The following VCPIP1 variants were observed in gnomAD, a reference collection of about 807,000 sequenced individuals.
VCPIP1 encodes the protein deubiquitinating protein VCPIP1.
Under a neutral mutation model 85.0 loss-of-function variants are expected in VCPIP1, and 8 were observed. The observed-to-expected ratio is 0.09, with a 90% CI of 0.06 to 0.17. VCPIP1 has a LOEUF of 0.17. Ranked by LOEUF, VCPIP1 falls within the 10% of genes least tolerant of loss-of-function variation. VCPIP1 has a pLI of 1.00. For synonymous variants in VCPIP1, 543 were observed against 544.5 expected (o/e 1.00, Z 0.04); for missense variants, 1,070 against 1,486.3 (o/e 0.72, Z 4.61).
Position 66,664,652 on chromosome 8 carries a change from C to T in VCPIP1, c.2307G>A (p.Pro769=), listed in dbSNP as rs1262034797. The part of the protein sequence containing the change: ...PATPTKAPYS[P]TTSKEKKIRI... ...GGATCTTCTTCTCCTTAGAAGTTGTCGGTGAATAGGGAGCCTTGGTAGGTG... is the reference window on the plus strand; with the variant it reads ...GGATCTTCTTCTCCTTAGAAGTTGTTGGTGAATAGGGAGCCTTGGTAGGTG... Residue 769 remains proline, a synonymous_variant, in exon 1 of 3, where the codon CCG becomes CCA. Transcript: ENST00000310421. 3 of 1,613,174 alleles carry T rather than the reference C, an allele frequency of 1.9e-6. No individual in the cohort carries two copies. The highest frequency in any genetic ancestry group is 1.3e-5 in the African/African-American group (1 of 74,840).
At chr8:66,645,114 T>G (rs1280856061) in intron 2 of VCPIP1, among the ~76,000 whole-genome samples, 1 of 118,856 alleles carries the variant, frequency 8.4e-6, no homozygotes, top group African/African-American at 3.3e-5. Flanking sequence ...AGACCCTGTA[T>G]CCAAGAAAAA....
intron 1 of VCPIP1, among the ~76,000 whole-genome samples, chr8:66,658,324 G>T (rs1402233950): frequency 6.9e-6 from 1 of 145,248 alleles, no homozygotes; most frequent in Non-Finnish European, 1.5e-5. Context: ...ACAGAGCAAG[G>T]CTCCATCTTG....
At position 66,666,762 on chromosome 8, in the gene VCPIP1, A is replaced by T; in HGVS notation, c.197T>A (p.Val66Asp). 1.2e-6 allele frequency: 2 copies of T among 1,613,740 alleles called. No homozygotes were observed. Among genetic ancestry groups the T allele is most frequent in the Non-Finnish European group, 1.7e-6 (2 of 1,179,698 alleles). The change falls in exon 1 of 3, where the codon GTC becomes GAC. Residue 66 changes from valine (V) to aspartate (D), a missense_variant. Coordinates refer to ENST00000310421, the MANE Select transcript of VCPIP1 (RefSeq NM_025054.5). The surrounding 1 kb of genome is among the most constrained non-coding windows in gnomAD (Gnocchi z 6.3). ...ARLFFPASGS[V>D]SIECTECGQR... ...GCCGCACTCGGTACACTCGATGCTG[A>T]CAGAACCGGAGGCCGGGAAAAATAG... is the stretch of plus-strand genomic sequence containing the variant.
chr8:66,663,916 G>A (rs1330889873), intron 1 of VCPIP1, among the ~76,000 whole-genome samples: 2 of 152,050 alleles, frequency 1.3e-5, no homozygotes, highest in Non-Finnish European at 2.9e-5. Context: ...AAGGGGCAAG[G>A]TAGGCAGGAT....
chr8:66,662,074 T>C (rs902564537), intron 1 of VCPIP1, among the ~76,000 whole-genome samples: 1 of 152,228 alleles, frequency 6.6e-6, no homozygotes, highest in Middle Eastern at 3.4e-3. Context: ...GCTCTGATCA[T>C]ATTTTTAAGA....
rs747312518 is a variant in VCPIP1, at chr8:66,634,708, C to T, written c.3462G>A (p.Gln1154=). ...VSSSAKSGSL[Q]TGLPESFPLT... ...AAGGAAAAGATTCAGGCAAACCAGT[C>T]TGAAGACTCCCAGACTTTGCAGAAG... Residue 1154 remains glutamine (Q), a synonymous_variant, in exon 3 of 3, where the codon CAG becomes CAA. Transcript: ENST00000310421. 6.2e-7 allele frequency: 1 copy of T among 1,614,182 alleles called. No individual in the cohort carries two copies. Among genetic ancestry groups the T allele is most frequent in the Middle Eastern group, 1.7e-4 (1 of 6,060 alleles).
chr8:66,639,321 C>T (rs200137064), intron 2 of VCPIP1, among the ~76,000 whole-genome samples: 255 of 67,638 alleles, frequency 3.8e-3, no homozygotes, highest in Middle Eastern at 0.023. Context: ...TAATTTTATT[C>T]TTTTTTTTTT....
At chr8:66,658,552 G>T (rs541265534) in intron 1 of VCPIP1, among the ~76,000 whole-genome samples, 1 of 152,016 alleles carries the variant, frequency 6.6e-6, no homozygotes, top group South Asian at 2.1e-4. Flanking sequence ...GCAATGGCAT[G>T]ATCTTGGCTC....
rs1811188424 is a variant in VCPIP1 at position 66,664,592 on chromosome 8, A to T, written c.2367T>A (p.Val789=). 2 of 1,614,082 alleles carry T rather than the reference A, an allele frequency of 1.2e-6. No individual in the cohort carries two copies. Among genetic ancestry groups the T allele is most frequent in the African/African-American group, 2.7e-5 (2 of 74,944 alleles). Residue 789 remains valine (V), a synonymous_variant, in exon 1 of 3, where the codon GTT becomes GTA. Coordinates refer to ENST00000310421, the MANE Select transcript of VCPIP1 (RefSeq NM_025054.5). ...AAAAGGTTGTTGAAGACTTAAGGGT[A>T]ACCATGGACTGTCGTCCATCATTAG... is the stretch of plus-strand genomic sequence containing the variant. ...ITTNDGRQSM[V]TLKSSTTFFE...
rs1231633102 is a variant in VCPIP1, at chr8:66,629,177, TAACTC to T, written c.*5319_*5323del. ...ACTCTTCTAATCATCAGATACGTGT[TAACTC>T]ATTTAAGACAGCCACCCTGGGAGCA... is the stretch of plus-strand genomic sequence containing the variant. On this transcript the variant is annotated 3_prime_UTR_variant, in exon 3 of 3. Transcript: ENST00000310421. 6.6e-6 allele frequency: 1 copy of T among 152,206 alleles called. No individual in the cohort carries two copies. The highest frequency in any genetic ancestry group is 1.5e-5 in the Non-Finnish European group (1 of 68,044). The allele number at this position is 152,206 out of a possible 1,614,324, so 9.4% of individuals were successfully genotyped here. A position where few individuals can be genotyped will look rare whatever the true frequency, so the allele number is the denominator to read the frequency against.
At chr8:66,654,951 C>T (rs552690331) in intron 1 of VCPIP1, among the ~76,000 whole-genome samples, 12 of 152,204 alleles carry the variant, frequency 7.9e-5, no homozygotes, top group Non-Finnish European at 1.8e-4. Flanking sequence ...ATACCATACC[C>T]TTATTTTTAC....
chr8:66,662,222 TAG>T (rs1467719081), intron 1 of VCPIP1, among the ~76,000 whole-genome samples: 3 of 152,290 alleles, frequency 2.0e-5, no homozygotes, highest in South Asian at 2.1e-4. Context: ...GTGTTACGAA[TAG>T]ATGCCTGATG....
intron 2 of VCPIP1, among the ~76,000 whole-genome samples, chr8:66,642,871 C>T (rs1451372352): frequency 6.6e-6 from 1 of 151,674 alleles, no homozygotes; most frequent in East Asian, 1.9e-4. Flanking sequence ...GAAGATAGTG[C>T]ATATTGATCC....
rs1231540455 is a variant in VCPIP1 at position 66,664,617 on chromosome 8, G to A, written c.2342C>T (p.Thr781Ile). 1 of 1,614,122 alleles carries A rather than the reference G, an allele frequency of 6.2e-7. No individual in the cohort carries two copies. The highest frequency in any genetic ancestry group is 1.1e-5 in the South Asian group (1 of 91,066). ...TSKEKKIRIT[T>I]NDGRQSMVTL... ...AACCATGGACTGTCGTCCATCATTA[G>A]TTGTGATTCGGATCTTCTTCTCCTT... is the stretch of plus-strand genomic sequence containing the variant. Residue 781 changes from threonine to isoleucine, a missense_variant, in exon 1 of 3, where the codon ACT (threonine) becomes ATT (isoleucine). Thr to Ile is a moderately conservative substitution (Grantham distance 89). This residue lies in a region of VCPIP1 where 278 missense variants were observed against 298.5 expected (regional missense o/e 0.93). Coordinates refer to ENST00000310421, the MANE Select transcript of VCPIP1 (RefSeq NM_025054.5).
intron 2 of VCPIP1, among the ~76,000 whole-genome samples, chr8:66,636,236 C>CAAAA (rs1180259925): frequency 2.4e-5 from 1 of 41,512 alleles, no homozygotes. Flanking sequence ...GACTCCATCT[C>CAAAA]AAAAAAAAAA....
At chr8:66,664,123 C>A in intron 1 of VCPIP1, 126 bp downstream of exon 1, 1 of 1,204,396 alleles carries the variant, frequency 8.3e-7, no homozygotes, top group Non-Finnish European at 1.1e-6. Flanking sequence ...AAAAATAATT[C>A]TCTCCTGAAA....
Position 66,664,282 on chromosome 8 carries a change from T to G in VCPIP1, c.2677A>C (p.Met893Leu). The change falls in exon 1 of 3, where the codon ATG (methionine) becomes CTG (leucine). Residue 893 changes from methionine to leucine, a missense_variant. Physicochemically the swap from Met to Leu is conservative, Grantham distance 15. Around this residue, in one of 8 missense-constraint regions of VCPIP1, gnomAD observed 278 missense variants for 298.5 expected, o/e 0.93. Transcript: ENST00000310421. ...KELQEQAEKE[M>L]YSLCLLATLM... ...GTTGCTAAAAGACACAAGGAGTACA[T>G]TTCTTTTTCAGCTTGCTCCTGAAGT... The G allele has an allele frequency of 1.9e-6, 3 of 1,597,694 alleles. No homozygotes were observed. The South Asian group carries it at 3.3e-5, about 18-fold the overall frequency.
rs1187108604 is a variant in VCPIP1 at position 66,635,913 on chromosome 8, C to CAA, written c.2798-543_2798-542dup. 2.8e-3 allele frequency among the ~76,000 whole-genome samples: 210 copies of CAA among 75,700 alleles called. 1 individual carries two copies. Among genetic ancestry groups the CAA allele is most frequent in the African/African-American group, 9.4e-3 (196 of 20,848 alleles). 49.7% of individuals were successfully genotyped at this position (75,700 alleles called of 152,430 possible). ...GGACAATAAGAGTGAAACTCTATCT[C>CAA]AAAAAAAAAAAAAAAAAAAAGAATG... On this transcript the variant is annotated intron_variant, in intron 2 of 2. Transcript: ENST00000310421.
At chr8:66,649,810 T>C (rs984990093) in intron 2 of VCPIP1, among the ~76,000 whole-genome samples, 13 of 152,162 alleles carry the variant, frequency 8.5e-5, no homozygotes, top group South Asian at 2.1e-4. Context: ...AAAATTCATA[T>C]ACAGTATACA....
Sources: gnomAD v4.1 joint callset for allele counts (sites outside exome capture counted in the v4.1 genomes callset) on GRCh38, gnomAD v4.1.1 for gene constraint, gnomAD v4.1.1 regional missense constraint, Gnocchi (gnomAD v3.1) non-coding constraint, MANE v1.5 for transcripts, NCBI Gene and HGNC (gene_info 2026-07-23, HGNC 2026-07-21) for gene names.